MYZAP: variants seen among roughly 807,000 people sequenced by gnomAD.
MYZAP encodes the protein GRINL1A complex locus upstream.
Under a neutral mutation model 69.4 loss-of-function variants are expected in MYZAP, and 66 were observed. The observed-to-expected ratio is 0.95, with a 90% confidence interval of 0.78 to 1.17. MYZAP has a LOEUF of 1.17. Among genes scored for constraint, MYZAP ranks in the 50% most tolerant of loss-of-function variants. The probability of loss-of-function intolerance (pLI) is 0.00; values close to 1 mark genes in which losing one functional copy is unlikely to be tolerated. For missense variants in MYZAP, 611 were observed against 556.2 expected, an observed-to-expected ratio of 1.10 and a Z score of -0.99; for synonymous variants, 256 against 205.9, an observed-to-expected ratio of 1.24 and a Z score of -2.09.
intron 11 of MYZAP, among the ~76,000 whole-genome samples, chr15:57,672,924 C>CG (rs199610252): frequency 0.012 from 1,802 of 152,220 alleles, 19 homozygotes; most frequent in African/African-American, 0.029. Context: ...CTTAGCACAT[C>CG]GTTCTATTAT....
At chr15:57,656,527 A>G (rs995761454) in intron 10 of MYZAP, among the ~76,000 whole-genome samples, 8 of 152,186 alleles carry the variant, frequency 5.3e-5, no homozygotes, top group African/African-American at 1.9e-4. Context: ...AAATGAACCA[A>G]AGGCTTGAGA....
intron 10 of MYZAP, among the ~76,000 whole-genome samples, chr15:57,660,548 C>T (rs1456107534): frequency 6.6e-6 from 1 of 152,174 alleles, no homozygotes; most frequent in Non-Finnish European, 1.5e-5. Flanking sequence ...CTCCTAGGCT[C>T]AAGCAATCCT....
chr15:57,664,503 A>C (rs9806740), intron 11 of MYZAP, among the ~76,000 whole-genome samples: 103,198 of 152,094 alleles, frequency 0.68, 35,214 homozygotes, highest in East Asian at 0.87. Flanking sequence ...TGTGGATGAT[A>C]GCTAATGCTG....
chr15:57,613,512 A>G (rs987137801), intron 2 of MYZAP, among the ~76,000 whole-genome samples: 7 of 152,074 alleles, frequency 4.6e-5, no homozygotes, highest in African/African-American at 1.7e-4. Flanking sequence ...CTGGGACTAC[A>G]GGCACACACC....
At chr15:57,598,306 C>A (rs1343763026) in intron 1 of MYZAP, among the ~76,000 whole-genome samples, 2 of 152,148 alleles carry the variant, frequency 1.3e-5, no homozygotes, top group Non-Finnish European at 2.9e-5. Flanking sequence ...GTGGAGGAAA[C>A]CTGAATGCTA....
At chr15:57,640,916 A>G (rs1256494485) in intron 10 of MYZAP, among the ~76,000 whole-genome samples, 1 of 152,248 alleles carries the variant, frequency 6.6e-6, no homozygotes, top group Non-Finnish European at 1.5e-5. Flanking sequence ...ATCCTGCCCT[A>G]TCGTCAACAC....
At chr15:57,680,485 T>TCACACACACACACACACA in intron 12 of MYZAP, among the ~76,000 whole-genome samples, 1 of 143,084 alleles carries the variant, frequency 7.0e-6, no homozygotes, top group South Asian at 2.2e-4. Flanking sequence ...GTTCAGGAGT[T>TCACACACACACACACACA]CACACACACA....
At chr15:57,648,705 T>G (rs1477786978) in intron 10 of MYZAP, among the ~76,000 whole-genome samples, 8 of 151,968 alleles carry the variant, frequency 5.3e-5, no homozygotes, top group African/African-American at 1.4e-4. Context: ...TTGCAAAAAG[T>G]TGTAGAGTGA....
intron 10 of MYZAP, among the ~76,000 whole-genome samples, chr15:57,643,526 ACTT>A (rs2037278408): frequency 6.6e-6 from 1 of 152,098 alleles, no homozygotes; most frequent in Admixed American, 6.6e-5. Context: ...TTTGAGTGTG[ACTT>A]CTTCAGTCCA....
At chr15:57,652,438 A>G (rs2037775299) in intron 10 of MYZAP, among the ~76,000 whole-genome samples, 1 of 152,116 alleles carries the variant, frequency 6.6e-6, no homozygotes, top group Non-Finnish European at 1.5e-5. Context: ...GGTGGCTTTT[A>G]TCAAAGAGAA....
rs568673842 is a variant in MYZAP at position 57,600,977 on chromosome 15, C to T, written c.76-3292C>T. On this transcript the variant is annotated intron_variant, in intron 1 of 12. Coordinates refer to ENST00000267853, the MANE Select transcript of MYZAP (RefSeq NM_001018100.5). ...CCTGTGGTCCCAGCTATTTAGGGGC[C>T]TGAGGTCGGAGAATCACTTGAGCCC... 3.5e-3 allele frequency among the ~76,000 whole-genome samples: 534 copies of T among 152,160 alleles called. 1 individual carries two copies. The highest frequency in any genetic ancestry group is 5.1e-3 in the Non-Finnish European group (350 of 68,008).
chr15:57,626,324 C>G (rs2036131920), intron 5 of MYZAP, among the ~76,000 whole-genome samples: 1 of 152,142 alleles, frequency 6.6e-6, no homozygotes, highest in South Asian at 2.1e-4. Flanking sequence ...CCTGTAAACA[C>G]TTTTTTATAA....
chr15:57,636,234 A>C (rs1216787656), intron 8 of MYZAP, among the ~76,000 whole-genome samples: 1 of 152,094 alleles, frequency 6.6e-6, no homozygotes, highest in Admixed American at 6.5e-5. Flanking sequence ...ACATAGGGGC[A>C]GGAGGAATGT....
chr15:57,630,567 G>C (rs1388100921), intron 6 of MYZAP, among the ~76,000 whole-genome samples: 1 of 152,122 alleles, frequency 6.6e-6, no homozygotes. Context: ...AAATTGGTGG[G>C]TGACTAGGGA....
intron 11 of MYZAP, among the ~76,000 whole-genome samples, chr15:57,674,760 C>A (rs553515626): frequency 6.3e-4 from 96 of 152,304 alleles, no homozygotes; most frequent in Middle Eastern, 3.4e-3. Context: ...ATTGGATGCA[C>A]ATGTCTGTAC....
intron 2 of MYZAP, among the ~76,000 whole-genome samples, chr15:57,608,047 G>C (rs1260563291): frequency 2.0e-5 from 3 of 152,246 alleles, no homozygotes; most frequent in Admixed American, 2.0e-4. Flanking sequence ...GGCTTCTTCT[G>C]TGTGCAAAGG....
chr15:57,627,460 C>T (rs1017509081), intron 5 of MYZAP, among the ~76,000 whole-genome samples: 18 of 151,562 alleles, frequency 1.2e-4, no homozygotes, highest in Admixed American at 9.9e-4. Context: ...CATCTCACAG[C>T]AGGAAACTCA....
In MYZAP at chr15:57,639,087, G is replaced by C. The variant is rs139008061; in HGVS notation, c.1014-353G>C. On this transcript the variant is annotated intron_variant, in intron 9 of 12. Transcript: ENST00000267853. The stretch of plus-strand genomic sequence containing the variant: ...CTACTTTGTGTGGTCATCACATAAA[G>C]TAAGAAGAATGGATCTTAGAGTTTG... 2.6e-3 allele frequency among the ~76,000 whole-genome samples: 390 copies of C among 152,328 alleles called. 4 individuals carry two copies. Among genetic ancestry groups the C allele is most frequent in the African/African-American group, 8.9e-3 (369 of 41,598 alleles).
intron 11 of MYZAP, among the ~76,000 whole-genome samples, chr15:57,663,425 C>T (rs1188533878): frequency 6.6e-6 from 1 of 152,124 alleles, no homozygotes; most frequent in Admixed American, 6.5e-5. Flanking sequence ...CAGGAAGCCC[C>T]ACTAGGGGAA....
Sources: gnomAD v4.1 joint callset for allele counts (sites outside exome capture counted in the v4.1 genomes callset) on GRCh38, gnomAD v4.1.1 for gene constraint, MANE v1.5 for transcripts, NCBI Gene and HGNC (gene_info 2026-07-23, HGNC 2026-07-21) for gene names.